Variants in GLIS3 observed in about 807,000 individuals in gnomAD.
GLIS3 encodes GLIS family zinc finger 3.
In GLIS3, 53 loss-of-function variants were observed where a neutral mutation model predicts 78.6. The observed-to-expected ratio is 0.67, with a 90% CI of 0.54 to 0.85. The LOEUF is 0.85. Ranked by LOEUF, GLIS3 falls within the 40% of genes least tolerant of loss-of-function variation. GLIS3 has a pLI of 0.00. For missense variants in GLIS3, 1,703 were observed against 1,231.1 expected, an observed-to-expected ratio of 1.38 and a Z score of -5.74; for synonymous variants, 684 against 509.9, an observed-to-expected ratio of 1.34 and a Z score of -4.60.
At chr9:3,833,778 C>A (rs1400944635) in intron 9 of GLIS3, among the ~76,000 whole-genome samples, 1 of 152,180 alleles carries the variant, frequency 6.6e-6, no homozygotes, top group East Asian at 1.9e-4. Context: ...CACCCCTCTA[C>A]TTTAAAAGTT....
intron 6 of GLIS3, among the ~76,000 whole-genome samples, chr9:3,920,930 T>C (rs1410997150): frequency 1.3e-5 from 2 of 152,188 alleles, no homozygotes; most frequent in Non-Finnish European, 2.9e-5. Flanking sequence ...TTGAGTCTCC[T>C]TTTTCAAAGC....
intron 2 of GLIS3, among the ~76,000 whole-genome samples, chr9:4,327,394 G>C (rs1399959485): frequency 6.6e-6 from 1 of 152,156 alleles, no homozygotes; most frequent in Non-Finnish European, 1.5e-5. Context: ...GCTTTGGAAA[G>C]AGGTGTCAAG....
chr9:4,289,809 G>T (rs2380949), intron 1 of GLIS3, among the ~76,000 whole-genome samples: 127,367 of 152,138 alleles, frequency 0.84, 54,327 homozygotes, highest in East Asian at 0.96. Context: ...ATATGAGTCA[G>T]CATGAAAGTT....
chr9:4,479,904 CTTTTTTTTTTT>C, the GLIS3 span, among the ~76,000 whole-genome samples: 3 of 108,716 alleles, frequency 2.8e-5, no homozygotes, highest in African/African-American at 1.0e-4. Flanking sequence ...ATTTCTTCTT[CTTTTTTTTTTT>C]TTTTTTTTTT....
chr9:3,951,807 GA>G (rs1158236487), intron 4 of GLIS3, among the ~76,000 whole-genome samples: 1 of 148,964 alleles, frequency 6.7e-6, no homozygotes, highest in East Asian at 2.0e-4. Flanking sequence ...CCTCAACAGG[GA>G]AAAGAGGAGA....
At chr9:4,268,354 G>C (rs1282770986) in intron 2 of GLIS3, among the ~76,000 whole-genome samples, 1 of 152,068 alleles carries the variant, frequency 6.6e-6, no homozygotes, top group Non-Finnish European at 1.5e-5. Context: ...CATATCATAA[G>C]TGTTATCTAT....
At chr9:4,373,404 C>A in the GLIS3 span, among the ~76,000 whole-genome samples, 2 of 152,138 alleles carry the variant, frequency 1.3e-5, no homozygotes, top group East Asian at 1.9e-4. Flanking sequence ...GTAGGGGATG[C>A]GGATGGGAGG....
the GLIS3 span, among the ~76,000 whole-genome samples, chr9:4,375,778 T>A: frequency 6.6e-6 from 1 of 152,110 alleles, no homozygotes; most frequent in Non-Finnish European, 1.5e-5. Context: ...TGGGAAAGTT[T>A]TAGAACCTTC....
At chr9:4,456,235 G>A in the GLIS3 span, among the ~76,000 whole-genome samples, 1 of 152,170 alleles carries the variant, frequency 6.6e-6, no homozygotes, top group South Asian at 2.1e-4. Flanking sequence ...GATCATGTGA[G>A]CCCTCAGAAA....
chr9:4,091,522 C>A lies in GLIS3; in HGVS notation c.1710+26246G>T, dbSNP rs565947611. On this transcript the variant is annotated intron_variant, in intron 4 of 10. Transcript: ENST00000381971. Reference sequence around the variant, plus strand: ...GGCACTTCATTAGACTACACGCACACGTGCACACAAACACACACACACACA... The same window carrying A: ...GGCACTTCATTAGACTACACGCACAAGTGCACACAAACACACACACACACA... Among the ~76,000 whole-genome samples the A allele has an allele frequency of 5.6e-3, 784 of 139,188 alleles. 5 individuals are homozygous for A. The highest frequency in any genetic ancestry group is 9.4e-3 in the Non-Finnish European group (587 of 62,194). 91.3% of individuals were successfully genotyped at this position (139,188 alleles called of 152,430 possible).
At chr9:4,488,399 C>T in the GLIS3 span, among the ~76,000 whole-genome samples, 1 of 152,188 alleles carries the variant, frequency 6.6e-6, no homozygotes, top group Non-Finnish European at 1.5e-5. Flanking sequence ...ATGTAGGCTG[C>T]ATAAGGTACT....
chr9:4,262,367 T>C (rs993805283), intron 2 of GLIS3, among the ~76,000 whole-genome samples: 1 of 152,026 alleles, frequency 6.6e-6, no homozygotes, highest in East Asian at 1.9e-4. Context: ...CTGAGTGGCA[T>C]GGATTTGGGA....
chr9:4,409,110 G>T, the GLIS3 span, among the ~76,000 whole-genome samples: 2 of 152,146 alleles, frequency 1.3e-5, no homozygotes, highest in African/African-American at 2.4e-5. Flanking sequence ...AGTCTTGTAT[G>T]GGAAATGTTG....
rs1307568514 is a variant in GLIS3 at position 3,967,034 on chromosome 9, CA to C, written c.1711-29846del. On this transcript the variant is annotated intron_variant, in intron 4 of 10. Coordinates refer to ENST00000381971, the MANE Select transcript of GLIS3 (RefSeq NM_001042413.2). ...TGCAAAAAAAAAAAAAAAAAAAAAA[CA>C]AAAAAACATTTTGAGGATTTCTCAA... 6.4e-5 allele frequency among the ~76,000 whole-genome samples: 6 copies of C among 94,390 alleles called. 1 individual carries two copies. The East Asian group carries it at 1.1e-3, about 17-fold the overall frequency. 61.9% of individuals were successfully genotyped at this position (94,390 alleles called of 152,430 possible). A position where few individuals can be genotyped will look rare whatever the true frequency, so the allele number is the denominator to read the frequency against.
chr9:4,276,419 G>A (rs183292661), intron 2 of GLIS3, among the ~76,000 whole-genome samples: 4 of 6,482 alleles, frequency 6.2e-4, no homozygotes, highest in Admixed American at 1.7e-3. Context: ...GAGGGAAGGG[G>A]AGGGGAGGGA....
At chr9:4,059,316 C>G (rs534861188) in intron 4 of GLIS3, among the ~76,000 whole-genome samples, 1 of 151,100 alleles carries the variant, frequency 6.6e-6, no homozygotes, top group South Asian at 2.1e-4. Context: ...TTAAAATATT[C>G]TCTTTGTTCT....
At chr9:4,490,142 G>A in the GLIS3 span, among the ~76,000 whole-genome samples, 1 of 152,242 alleles carries the variant, frequency 6.6e-6, no homozygotes, top group African/African-American at 2.4e-5. Context: ...GATGAAGTCC[G>A]CGCCCAGGAG....
intron 8 of GLIS3, among the ~76,000 whole-genome samples, chr9:3,877,315 C>T (rs1189441101): frequency 1.4e-4 from 21 of 152,202 alleles, no homozygotes; most frequent in South Asian, 2.1e-4. Flanking sequence ...CTGTCTGCAA[C>T]GTCTGTGAAC....
intron 4 of GLIS3, among the ~76,000 whole-genome samples, chr9:4,075,247 G>A (rs548452942): frequency 1.3e-5 from 2 of 152,028 alleles, no homozygotes; most frequent in African/African-American, 4.8e-5. Context: ...TTAGATGTCA[G>A]TAAGATTTAT....
Sources: gnomAD v4.1 joint callset for allele counts (sites outside exome capture counted in the v4.1 genomes callset) on GRCh38, gnomAD v4.1.1 for gene constraint, MANE v1.5 for transcripts, NCBI Gene and HGNC (gene_info 2026-07-23, HGNC 2026-07-21) for gene names.